Variants in UTRN observed in about 807,000 individuals in gnomAD.
UTRN encodes utrophin.
Under a neutral mutation model 463.9 loss-of-function variants are expected in UTRN, and 283 were observed. The ratio of observed to expected loss-of-function variants is 0.61; its 90% confidence interval spans 0.55 to 0.67. UTRN has a LOEUF of 0.67. Among genes scored for constraint, UTRN ranks in the 30% least tolerant of loss-of-function variants. The pLI is 0.00. For missense variants in UTRN, 3,922 were observed against 4,084.3 expected, an observed-to-expected ratio of 0.96 and a Z score of 1.08; for synonymous variants, 1,442 against 1,431.5, an observed-to-expected ratio of 1.01 and a Z score of -0.17.
rs183135710 is a variant in UTRN, at chr6:144,549,299, C to G, written c.6810+445C>G. ...CATCTAATATTCATTTGTAAAAATT[C>G]TTTTTCCCTATTTAGTGTGTGCTAA... is the stretch of plus-strand genomic sequence containing the variant. On this transcript the variant is annotated intron_variant, in intron 47 of 74. Coordinates refer to ENST00000367545, the MANE Select transcript of UTRN (RefSeq NM_007124.3). 1.8e-4 allele frequency among the ~76,000 whole-genome samples: 27 copies of G among 152,224 alleles called. No homozygotes were observed. In the East Asian group the frequency reaches 4.1e-3, roughly 23 times the overall value.
chr6:144,390,802 T>C (rs1298937786), intron 2 of UTRN, among the ~76,000 whole-genome samples: 1 of 152,222 alleles, frequency 6.6e-6, no homozygotes, highest in Non-Finnish European at 1.5e-5. Flanking sequence ...AATGTATCTG[T>C]ACCTGATATA....
chr6:144,786,225 A>T (rs766199507), intron 61 of UTRN, among the ~76,000 whole-genome samples: 1 of 152,148 alleles, frequency 6.6e-6, no homozygotes, highest in South Asian at 2.1e-4. Flanking sequence ...TAACCTGTAC[A>T]GTTCAGTCAA....
At chr6:144,369,571 G>A (rs1042610556) in intron 2 of UTRN, among the ~76,000 whole-genome samples, 6 of 152,168 alleles carry the variant, frequency 3.9e-5, no homozygotes, top group East Asian at 1.9e-4. Context: ...AGCTGAGATC[G>A]TGCCACTGCA....
At chr6:144,329,025 TC>T (rs1776162578) in intron 2 of UTRN, among the ~76,000 whole-genome samples, 2 of 151,106 alleles carry the variant, frequency 1.3e-5, no homozygotes, top group African/African-American at 2.4e-5. Flanking sequence ...CCTCAGGTAA[TC>T]CCCCTGCCTC....
chr6:144,510,767 A>G (rs1433329715), intron 34 of UTRN, among the ~76,000 whole-genome samples, 177 bp from the exon 35 acceptor site: 1 of 152,226 alleles, frequency 6.6e-6, no homozygotes, highest in African/African-American at 2.4e-5. Context: ...TTGGAACTTA[A>G]GAATTCTCAC....
intron 2 of UTRN, among the ~76,000 whole-genome samples, chr6:144,301,953 C>T (rs544812881): frequency 3.0e-4 from 46 of 152,184 alleles, no homozygotes; most frequent in Admixed American, 8.5e-4. Flanking sequence ...TCTGTGACTT[C>T]GCTTGTTTTG....
intron 2 of UTRN, among the ~76,000 whole-genome samples, chr6:144,352,545 C>T (rs986410782): frequency 6.6e-6 from 1 of 152,134 alleles, no homozygotes; most frequent in African/African-American, 2.4e-5. Flanking sequence ...TGCCTCCCTC[C>T]TATGCATTTC....
chr6:144,531,299 T>G lies in UTRN; in HGVS notation c.6057+97T>G, dbSNP rs182481498. ...AGTAGGGACAAAATATATTAATTTTTCAGAAGTCAATGGACAATTTGTAAT... is the reference window on the plus strand; with the variant it reads ...AGTAGGGACAAAATATATTAATTTTGCAGAAGTCAATGGACAATTTGTAAT... On this transcript the variant is annotated intron_variant, in intron 42 of 74. Transcript: ENST00000367545. The G allele has an allele frequency of 5.1e-4, 620 of 1,226,802 alleles. 1 individual carries two copies. Among genetic ancestry groups the G allele is most frequent in the Non-Finnish European group, 2.9e-4 (279 of 950,144 alleles). The allele number at this position is 1,226,802 out of a possible 1,614,324, so 76.0% of individuals were successfully genotyped here.
In UTRN at chr6:144,669,410, G is replaced by A. The variant is rs1024940092; in HGVS notation, c.7480-8996G>A. On this transcript the variant is annotated intron_variant, in intron 51 of 74. Transcript: ENST00000367545. The stretch of plus-strand genomic sequence containing the variant: ...CAAATGCATATGCCAATTAAAGTAT[G>A]TACTTTTAAAAATGAAATTATCATA... Among the ~76,000 whole-genome samples, 4 of 151,948 alleles carry A rather than the reference G, an allele frequency of 2.6e-5. No homozygotes were observed. The East Asian group carries it at 7.7e-4, about 29-fold the overall frequency.
At chr6:144,496,431 T>G (rs919484641) in intron 33 of UTRN, among the ~76,000 whole-genome samples, 3 of 152,206 alleles carry the variant, frequency 2.0e-5, no homozygotes, top group African/African-American at 7.2e-5. Flanking sequence ...GAGCTTCTTT[T>G]TGGAATTATA....
At chr6:144,750,797 G>GT (rs1562861119) in intron 55 of UTRN, among the ~76,000 whole-genome samples, 1 of 152,082 alleles carries the variant, frequency 6.6e-6, no homozygotes, top group Non-Finnish European at 1.5e-5. Context: ...TGCAAGTTCT[G>GT]TGCTGAATAG....
At chr6:144,669,369 T>C (rs1210655013) in intron 51 of UTRN, among the ~76,000 whole-genome samples, 1 of 152,214 alleles carries the variant, frequency 6.6e-6, no homozygotes, top group Non-Finnish European at 1.5e-5. Context: ...CTATTGTGTA[T>C]GTGTCAAATT....
chr6:144,564,459 A>G (rs1206281702), intron 50 of UTRN, among the ~76,000 whole-genome samples: 1 of 152,166 alleles, frequency 6.6e-6, no homozygotes, highest in Non-Finnish European at 1.5e-5. Flanking sequence ...CAGAGGCCAG[A>G]TCATGCTGAG....
rs576613480 is a variant in UTRN, at chr6:144,405,279, ACACTAAACATC to A, written c.141+2099_141+2109del. On this transcript the variant is annotated intron_variant, in intron 3 of 74. Coordinates refer to ENST00000367545, the MANE Select transcript of UTRN (RefSeq NM_007124.3). ...TGGAGATGGGAAGCTCATGGCAGTG[ACACTAAACATC>A]CACATTATTTTTTCTTTCTTCTGGC... 7.2e-4 allele frequency among the ~76,000 whole-genome samples: 110 copies of A among 152,348 alleles called. 3 individuals are homozygous for A. The South Asian group carries it at 0.022, about 30-fold the overall frequency.
At chr6:144,720,187 A>G (rs1406895465) in intron 53 of UTRN, among the ~76,000 whole-genome samples, 35 of 152,242 alleles carry the variant, frequency 2.3e-4, no homozygotes, top group Non-Finnish European at 2.9e-5. Flanking sequence ...TGCCATGCTC[A>G]TGAAGAAAAT....
At position 144,533,088 on chromosome 6, in the gene UTRN, C is replaced by G; in HGVS notation, c.6061C>G (p.Leu2021Val). The change falls in exon 43 of 75, where the codon CTT (leucine) becomes GTT (valine). Residue 2021 changes from leucine (L) to valine (V), a missense_variant. Coordinates refer to ENST00000367545, the MANE Select transcript of UTRN (RefSeq NM_007124.3). ...LEKARIHQQE[L>V]EVGISSHQPS... Reference sequence around the variant, plus strand: ...CTTGAGTTGTGCTCTGTTACAGGAACTTGAGGTGGGCATCAGCAGCCACCA... The same window carrying G: ...CTTGAGTTGTGCTCTGTTACAGGAAGTTGAGGTGGGCATCAGCAGCCACCA... The G allele has an allele frequency of 6.4e-7, 1 of 1,566,474 alleles. No individual in the cohort carries two copies. The highest frequency in any genetic ancestry group is 2.2e-5 in the East Asian group (1 of 44,576).
In UTRN at chr6:144,286,432, G is replaced by A. The variant is rs1278210517; in HGVS notation, c.-93+611G>A. On this transcript the variant is annotated intron_variant, in intron 1 of 74. Transcript: ENST00000367545. This position sits in a 1 kb window ranked among gnomAD's most constrained non-coding sequence, Gnocchi z 4.4. Reference sequence around the variant, plus strand: ...AGGGTGGGGCTCCGGAGAGTGTGGCGCGATCGCCAAGCTCCCTGGCAGCGG... The same window carrying A: ...AGGGTGGGGCTCCGGAGAGTGTGGCACGATCGCCAAGCTCCCTGGCAGCGG... Among the ~76,000 whole-genome samples, 6 of 152,142 alleles carry A rather than the reference G, an allele frequency of 3.9e-5. No homozygotes were observed. Among genetic ancestry groups the A allele is most frequent in the African/African-American group, 1.4e-4 (6 of 41,434 alleles).
At chr6:144,550,127 A>C (rs901858505) in intron 47 of UTRN, among the ~76,000 whole-genome samples, 3 of 152,156 alleles carry the variant, frequency 2.0e-5, no homozygotes, top group Non-Finnish European at 4.4e-5. Flanking sequence ...TGAGGGTTTG[A>C]GTGATTTAGT....
At chr6:144,405,122 G>A (rs1783269725) in intron 3 of UTRN, among the ~76,000 whole-genome samples, 2 of 152,160 alleles carry the variant, frequency 1.3e-5, no homozygotes, top group South Asian at 2.1e-4. Context: ...TCTAAGCTCA[G>A]CTTCTGTGTT....
Sources: gnomAD v4.1 joint callset for allele counts (sites outside exome capture counted in the v4.1 genomes callset) on GRCh38, gnomAD v4.1.1 for gene constraint, Gnocchi (gnomAD v3.1) non-coding constraint, MANE v1.5 for transcripts, NCBI Gene and HGNC (gene_info 2026-07-23, HGNC 2026-07-21) for gene names.